NDST1: variants seen among roughly 807,000 people sequenced by gnomAD.
NDST1 encodes the protein N-deacetylase and N-sulfotransferase 1.
NDST1 carries 35 observed loss-of-function variants against 92.8 expected under a neutral mutation model. The ratio of observed to expected loss-of-function variants is 0.38; its 90% CI spans 0.29 to 0.50. The LOEUF (loss-of-function observed/expected upper bound fraction) is 0.50, where lower values mean the gene tolerates loss of function less well. NDST1 is among the 20% of genes least tolerant of loss of function. The pLI, the probability that NDST1 is intolerant of heterozygous loss-of-function variation, is 0.94. For missense variants in NDST1, 822 were observed against 1,182.7 expected (o/e 0.69, Z 4.47); for synonymous variants, 493 against 500.3 (o/e 0.99, Z 0.19).
chr5:150,527,756 T>TGG (rs1259502280), intron 2 of NDST1, 48 bp from the exon 3 acceptor site: 1 of 1,608,230 alleles, frequency 6.2e-7, no homozygotes, highest in Admixed American at 1.7e-5. Context: ...CCTTTGGGGT[T>TGG]CTGGATGTGA....
chr5:150,549,889 G>A, intron 13 of NDST1, 102 bp downstream of exon 13: 5 of 744,270 alleles, frequency 6.7e-6, no homozygotes, highest in Non-Finnish European at 1.2e-5. Flanking sequence ...AAGTTAGTTA[G>A]AGTCAGAAAG....
At chr5:150,548,761 T>C (rs1158077993) in intron 12 of NDST1, among the ~76,000 whole-genome samples, 1 of 152,110 alleles carries the variant, frequency 6.6e-6, no homozygotes, top group Non-Finnish European at 1.5e-5. Flanking sequence ...CTCAAACTCC[T>C]GGGCTCAAGC....
intron 1 of NDST1, among the ~76,000 whole-genome samples, chr5:150,510,940 C>T (rs1398072390): frequency 6.6e-6 from 1 of 152,228 alleles, no homozygotes; most frequent in African/African-American, 2.4e-5. Flanking sequence ...GGGCATCTGG[C>T]AAATGTTAGC....
At chr5:150,552,137 G>C (rs1755750568) in intron 14 of NDST1, among the ~76,000 whole-genome samples, 1 of 152,176 alleles carries the variant, frequency 6.6e-6, no homozygotes, top group African/African-American at 2.4e-5. Flanking sequence ...TCCTGGTCTT[G>C]GAGGGGTATG....
At chr5:150,511,703 A>C (rs1443162535) in intron 1 of NDST1, among the ~76,000 whole-genome samples, 3 of 152,078 alleles carry the variant, frequency 2.0e-5, no homozygotes, top group Admixed American at 1.3e-4. Context: ...GACAGGCGGC[A>C]GCTTGGCTCC....
chr5:150,510,593 T>C (rs781124329), intron 1 of NDST1, among the ~76,000 whole-genome samples: 1 of 152,224 alleles, frequency 6.6e-6, no homozygotes, highest in Non-Finnish European at 1.5e-5. Context: ...GTATGTTTGC[T>C]CGGTAAGCCC....
At position 150,534,990 on chromosome 5, in the gene NDST1, A is replaced by G; in HGVS notation, c.1220A>G (p.Glu407Gly). ...HLFHNQSVLA[E>G]QMALNKKFAV... ...TTCCACAACCAGTCCGTGTTGGCCG[A>G]GCAGATGGCCTTGAACAAGAAGTTC... Residue 407 changes from glutamate (E) to glycine (G), a missense_variant, in exon 5 of 15, where the codon GAG becomes GGG. Coordinates refer to ENST00000261797, the MANE Select transcript of NDST1 (RefSeq NM_001543.5). The G allele has an allele frequency of 6.2e-7, 1 of 1,614,240 alleles. No individual in the cohort carries two copies.
chr5:150,545,396 G>A lies in NDST1; in HGVS notation c.2055G>A (p.Val685=), dbSNP rs1412747222. ...EKSANYFDSE[V]APRRAAALLP... The stretch of plus-strand genomic sequence containing the variant: ...GCGCCAACTACTTTGATTCAGAAGT[G>A]GCGCCCCGGCGGGCAGCAGCCCTCT... The change falls in exon 11 of 15, where the codon GTG becomes GTA. Residue 685 remains valine (V), a synonymous_variant. Coordinates refer to ENST00000261797, the MANE Select transcript of NDST1 (RefSeq NM_001543.5). 11 of 1,614,260 alleles carry A rather than the reference G, an allele frequency of 6.8e-6. No homozygotes were observed. The highest frequency in any genetic ancestry group is 9.3e-6 in the Non-Finnish European group (11 of 1,180,054).
chr5:150,505,504 A>G (rs1753410474), upstream of NDST1, among the ~76,000 whole-genome samples: 1 of 152,192 alleles, frequency 6.6e-6, no homozygotes, highest in East Asian at 1.9e-4. Context: ...TATTTGTAAA[A>G]TGAGGCCATG....
intron 11 of NDST1, among the ~76,000 whole-genome samples, chr5:150,547,267 G>A (rs1755529000): frequency 1.3e-5 from 2 of 152,350 alleles, no homozygotes; most frequent in African/African-American, 4.8e-5. Flanking sequence ...ATTCTCCCCA[G>A]GAGGACCTGG....
At chr5:150,539,028 G>A (rs192309505) in intron 6 of NDST1, among the ~76,000 whole-genome samples, 200 bp from the exon 7 acceptor site, 6 of 152,340 alleles carry the variant, frequency 3.9e-5, no homozygotes, top group African/African-American at 1.4e-4. Context: ...GAATAGCAGT[G>A]AAGTTTGTAA....
chr5:150,529,790 C>A (rs1263022501), intron 3 of NDST1, among the ~76,000 whole-genome samples: 3 of 152,168 alleles, frequency 2.0e-5, no homozygotes, highest in Non-Finnish European at 2.9e-5. Flanking sequence ...TAGCAGGAGG[C>A]TTTAAAAAGA....
intron 1 of NDST1, among the ~76,000 whole-genome samples, chr5:150,509,659 T>C (rs1054571802): frequency 1.3e-5 from 2 of 152,172 alleles, no homozygotes; most frequent in Admixed American, 6.5e-5. Context: ...ATTACAGGCA[T>C]GTGCCACACA....
upstream of NDST1, among the ~76,000 whole-genome samples, chr5:150,507,951 C>CT (rs1446934925): frequency 3.9e-5 from 6 of 152,158 alleles, no homozygotes; most frequent in Admixed American, 3.3e-4. Flanking sequence ...AGGACATCCT[C>CT]TTTCTGAGGT....
upstream of NDST1, among the ~76,000 whole-genome samples, chr5:150,505,835 C>CA (rs1346488700): frequency 6.6e-6 from 1 of 152,050 alleles, no homozygotes; most frequent in East Asian, 1.9e-4. Context: ...GCTGCAGTGC[C>CA]ATAGTGCAGT....
chr5:150,504,872 C>G (rs773504505), upstream of NDST1, among the ~76,000 whole-genome samples: 17 of 152,182 alleles, frequency 1.1e-4, no homozygotes, highest in Non-Finnish European at 2.1e-4. Context: ...GTTGGTTGAA[C>G]TGGAAAGTCG....
intron 1 of NDST1, among the ~76,000 whole-genome samples, chr5:150,510,399 T>C (rs981740110): frequency 2.6e-4 from 39 of 152,304 alleles, no homozygotes; most frequent in African/African-American, 8.9e-4. Context: ...GGGGATAGGG[T>C]GGGCAGAGAG....
chr5:150,542,747 A>C, intron 9 of NDST1, 101 bp from the exon 10 acceptor site: 1 of 1,479,412 alleles, frequency 6.8e-7, no homozygotes, highest in Non-Finnish European at 9.4e-7. Flanking sequence ...AGACCTTCCC[A>C]GGAGCCCCCA....
upstream of NDST1, among the ~76,000 whole-genome samples, chr5:150,504,138 C>T (rs1753349440): frequency 6.6e-6 from 1 of 152,224 alleles, no homozygotes; most frequent in Non-Finnish European, 1.5e-5. Flanking sequence ...GCCAAGCCCT[C>T]TGCTTCTGCA....
Sources: allele counts gnomAD v4.1 joint callset (sites outside exome capture counted in the v4.1 genomes callset), GRCh38; gene constraint gnomAD v4.1.1; transcripts MANE v1.5; gene names NCBI Gene and HGNC (gene_info 2026-07-23, HGNC 2026-07-21).